Variants in ARFIP1 observed in about 807,000 individuals in gnomAD.
ARFIP1 encodes arfaptin-1.
A neutral mutation model predicts 42.5 loss-of-function variants in ARFIP1; 24 were observed. The ratio of observed to expected loss-of-function variants is 0.57; its 90% CI spans 0.41 to 0.80. The LOEUF is 0.80. Ranked by LOEUF, ARFIP1 falls within the 30% of genes least tolerant of loss-of-function variation. ARFIP1 has a pLI of 0.00. For missense variants in ARFIP1, 354 were observed against 434.0 expected (o/e 0.82, Z 1.64); for synonymous variants, 141 against 153.7 (o/e 0.92, Z 0.61).
chr4:152,901,568 T>A (rs1010186743), intron 8 of ARFIP1, among the ~76,000 whole-genome samples: 2 of 152,232 alleles, frequency 1.3e-5, no homozygotes, highest in Non-Finnish European at 2.9e-5. Context: ...TTTAGTATAT[T>A]TCTAAATTGC....
chr4:152,907,131 A>C (rs755188583), intron 8 of ARFIP1, among the ~76,000 whole-genome samples: 8 of 152,170 alleles, frequency 5.3e-5, no homozygotes, highest in Admixed American at 4.6e-4. Context: ...TTGAGAAGAG[A>C]TGTTTGCCTT....
intron 2 of ARFIP1, among the ~76,000 whole-genome samples, chr4:152,840,985 G>T (rs1021015985): frequency 1.4e-4 from 21 of 151,870 alleles, no homozygotes; most frequent in African/African-American, 4.3e-4. Context: ...CTCCGAAAGT[G>T]CTGGGATTAT....
At chr4:152,905,933 C>A (rs1738324394) in intron 8 of ARFIP1, among the ~76,000 whole-genome samples, 2 of 152,064 alleles carry the variant, frequency 1.3e-5, no homozygotes, top group South Asian at 4.2e-4. Context: ...GGCTTTTTCA[C>A]TTTTGTGTCT....
intron 2 of ARFIP1, among the ~76,000 whole-genome samples, chr4:152,830,783 A>G (rs980269877): frequency 3.9e-5 from 6 of 152,314 alleles, no homozygotes; most frequent in African/African-American, 4.8e-5. Flanking sequence ...TGACAAGCAG[A>G]TATGTCCAGA....
intron 1 of ARFIP1, among the ~76,000 whole-genome samples, chr4:152,781,234 C>CTTTTTTTTTTT (rs535397594): frequency 5.9e-5 from 7 of 118,918 alleles, no homozygotes; most frequent in Admixed American, 9.5e-5. Flanking sequence ...TTTCTTTTTT[C>CTTTTTTTTTTT]TTTTTTTTTT....
intron 1 of ARFIP1, among the ~76,000 whole-genome samples, chr4:152,802,694 T>C (rs1728519365): frequency 6.6e-6 from 1 of 152,194 alleles, no homozygotes; most frequent in South Asian, 2.1e-4. Flanking sequence ...TTTAGATCCT[T>C]TCTAGAAAGT....
At chr4:152,874,202 A>C (rs953781724) in intron 5 of ARFIP1, among the ~76,000 whole-genome samples, 1 of 152,216 alleles carries the variant, frequency 6.6e-6, no homozygotes, top group Non-Finnish European at 1.5e-5. Flanking sequence ...TTGAATCACT[A>C]TTAAGATTCC....
chr4:152,845,950 C>T (rs181844947), intron 2 of ARFIP1, among the ~76,000 whole-genome samples: 3 of 152,236 alleles, frequency 2.0e-5, no homozygotes, highest in South Asian at 4.1e-4. Context: ...TCTAGGTACC[C>T]ATCAATGGTG....
intron 1 of ARFIP1, among the ~76,000 whole-genome samples, chr4:152,790,680 T>G (rs989720275): frequency 6.6e-6 from 1 of 152,188 alleles, no homozygotes; most frequent in Non-Finnish European, 1.5e-5. Flanking sequence ...GAAGTAACTA[T>G]TTTGTCAGGG....
intron 1 of ARFIP1, among the ~76,000 whole-genome samples, chr4:152,806,930 T>C (rs1289816430): frequency 6.6e-6 from 1 of 151,892 alleles, no homozygotes; most frequent in African/African-American, 2.4e-5. Context: ...CCTTGAACTC[T>C]CAGGCTCAAG....
chr4:152,808,559 A>C (rs572373704), intron 1 of ARFIP1, among the ~76,000 whole-genome samples: 1 of 151,828 alleles, frequency 6.6e-6, no homozygotes, highest in Non-Finnish European at 1.5e-5. Flanking sequence ...AGTACTGCCA[A>C]ATAGTTTTCC....
intron 8 of ARFIP1, among the ~76,000 whole-genome samples, chr4:152,892,353 G>C (rs1187595707): frequency 6.6e-6 from 1 of 151,896 alleles, no homozygotes; most frequent in Non-Finnish European, 1.5e-5. Flanking sequence ...CTTTCTTTTG[G>C]TTCTCATGTC....
intron 1 of ARFIP1, chr4:152,796,031 G>T (rs1367334543): frequency 8.4e-5 from 57 of 675,204 alleles, no homozygotes; most frequent in Non-Finnish European, 1.5e-4. Context: ...CAGTTGGTGT[G>T]TAGTGCTCAA....
chr4:152,883,826 C>T (rs545288844), intron 7 of ARFIP1, among the ~76,000 whole-genome samples: 9 of 151,698 alleles, frequency 5.9e-5, no homozygotes, highest in African/African-American at 2.2e-4. Flanking sequence ...CATTCTAGTC[C>T]CTTTTGAGGT....
rs532488631 is a variant in ARFIP1 at position 152,863,512 on chromosome 4, C to G, written c.94-94C>G. 3.6e-5 allele frequency: 25 copies of G among 702,518 alleles called. No individual in the cohort carries two copies. In the South Asian group the frequency reaches 4.3e-4, roughly 12 times the overall value. The allele number at this position is 702,518 out of a possible 1,614,324, so 43.5% of individuals were successfully genotyped here. A position where few individuals can be genotyped will look rare whatever the true frequency, so the allele number is the denominator to read the frequency against. ...ACCGCATAGCAGAGAGAAAAATAAT[C>G]TAAGATTTGATTAAAAGGATACAAT... On this transcript the variant is annotated intron_variant, in intron 2 of 8. Transcript: ENST00000353617.
chr4:152,847,121 G>GTTTTTTTTTT (rs1561139273), intron 2 of ARFIP1, among the ~76,000 whole-genome samples: 4 of 48,176 alleles, frequency 8.3e-5, no homozygotes, highest in Admixed American at 2.4e-4. Flanking sequence ...TTTTAGGTTT[G>GTTTTTTTTTT]TTCTTTTTTT....
chr4:152,868,249 A>T (rs1447984606), intron 3 of ARFIP1, among the ~76,000 whole-genome samples: 1 of 152,200 alleles, frequency 6.6e-6, no homozygotes. Context: ...CAAAGCTCAC[A>T]AGAGTGAAGT....
At chr4:152,882,683 A>G in intron 6 of ARFIP1, 40 bp from the exon 7 acceptor site, 1 of 1,589,808 alleles carries the variant, frequency 6.3e-7, no homozygotes, top group Non-Finnish European at 8.6e-7. Flanking sequence ...ACTTTTACTG[A>G]TTTATTACTG....
intron 1 of ARFIP1, among the ~76,000 whole-genome samples, chr4:152,817,235 A>G (rs1049219521): frequency 6.6e-6 from 1 of 152,230 alleles, no homozygotes; most frequent in African/African-American, 2.4e-5. Flanking sequence ...TAGTGTGTGT[A>G]TATCTCTTAT....
Sources: gnomAD v4.1 joint callset for allele counts (sites outside exome capture counted in the v4.1 genomes callset) on GRCh38, gnomAD v4.1.1 for gene constraint, MANE v1.5 for transcripts, NCBI Gene and HGNC (gene_info 2026-07-23, HGNC 2026-07-21) for gene names.